The following CPEB1 variants were observed in gnomAD, a reference collection of about 807,000 sequenced individuals.
The protein encoded by CPEB1 is cytoplasmic polyadenylation element-binding protein 1.
A neutral mutation model predicts 65.8 loss-of-function variants in CPEB1; 7 were observed. The observed-to-expected ratio is 0.11, with a 90% confidence interval of 0.06 to 0.20. The LOEUF is 0.20. Ranked by LOEUF, CPEB1 falls within the 10% of genes least tolerant of loss-of-function variation. CPEB1 has a pLI of 1.00. For missense variants in CPEB1, 551 were observed against 712.2 expected (o/e 0.77, Z 2.58); for synonymous variants, 262 against 260.0 (o/e 1.01, Z -0.08).
At chr15:82,592,905 G>C (rs976373835) in intron 3 of CPEB1, among the ~76,000 whole-genome samples, 6 of 151,488 alleles carry the variant, frequency 4.0e-5, no homozygotes, top group Non-Finnish European at 7.4e-5. Flanking sequence ...GCTGAGGCAG[G>C]AGAATCACCT....
chr15:82,572,767 C>T (rs2040213796), intron 3 of CPEB1, among the ~76,000 whole-genome samples: 1 of 152,232 alleles, frequency 6.6e-6, no homozygotes, highest in Non-Finnish European at 1.5e-5. Flanking sequence ...GTGAGGGCCA[C>T]TGATGCCTCT....
At chr15:82,636,487 TC>T (rs912874182) in intron 1 of CPEB1, among the ~76,000 whole-genome samples, 4 of 152,242 alleles carry the variant, frequency 2.6e-5, no homozygotes, top group African/African-American at 9.6e-5. Flanking sequence ...TGTCCAATGT[TC>T]TTTTTGCTCT....
chr15:82,566,886 A>G (rs957251842), intron 4 of CPEB1, among the ~76,000 whole-genome samples: 1 of 152,052 alleles, frequency 6.6e-6, no homozygotes, highest in Non-Finnish European at 1.5e-5. Flanking sequence ...TAGAAGCTAC[A>G]GGGCCCAAGA....
chr15:82,549,869 T>C (rs960362708), intron 9 of CPEB1, among the ~76,000 whole-genome samples: 5 of 152,220 alleles, frequency 3.3e-5, no homozygotes, highest in African/African-American at 1.2e-4. Flanking sequence ...TGAGTCCATG[T>C]GTCCAGAATG....
At chr15:82,552,714 C>A in intron 8 of CPEB1, 98 bp from the exon 9 acceptor site, 1 of 1,323,486 alleles carries the variant, frequency 7.6e-7, no homozygotes, top group Non-Finnish European at 1.1e-6. Context: ...GAAAGAAGGT[C>A]TTGTGTATAA....
intron 9 of CPEB1, 47 bp downstream of exon 9, chr15:82,552,433 C>T: frequency 6.7e-7 from 1 of 1,494,052 alleles, no homozygotes. Flanking sequence ...TCCAGTGCCT[C>T]AATATTCCAA....
At chr15:82,604,806 G>A (rs929031261) in intron 3 of CPEB1, among the ~76,000 whole-genome samples, 1 of 152,108 alleles carries the variant, frequency 6.6e-6, no homozygotes, top group African/African-American at 2.4e-5. Context: ...CATATTAGAA[G>A]TCCCAAAGCA....
rs566717124 is a variant in CPEB1, at chr15:82,606,197, G to A, written c.271+20996C>T. Among the ~76,000 whole-genome samples, 75 of 152,296 alleles carry A rather than the reference G, an allele frequency of 4.9e-4. 1 individual carries two copies. The highest frequency in any genetic ancestry group is 1.7e-3 in the African/African-American group (70 of 41,544). On this transcript the variant is annotated intron_variant, in intron 3 of 12. Coordinates refer to ENST00000684509, the MANE Select transcript of CPEB1 (RefSeq NM_001365242.1). The stretch of plus-strand genomic sequence containing the variant: ...AAGATGCTAGTTCCAGCTGGGCATG[G>A]TGGCTCACGCCTGTAATCCCAGCAC...
chr15:82,581,704 A>T (rs2041301551), intron 3 of CPEB1, among the ~76,000 whole-genome samples: 1 of 152,176 alleles, frequency 6.6e-6, no homozygotes, highest in Non-Finnish European at 1.5e-5. Context: ...CAAATGTTTG[A>T]AGATTGCTGT....
chr15:82,636,357 A>G (rs1208747077), intron 1 of CPEB1, among the ~76,000 whole-genome samples: 1 of 152,170 alleles, frequency 6.6e-6, no homozygotes, highest in Non-Finnish European at 1.5e-5. Flanking sequence ...AGTCTATCTT[A>G]CCCTGCATCT....
intron 1 of CPEB1, among the ~76,000 whole-genome samples, chr15:82,635,346 G>GT (rs1037160396): frequency 1.3e-5 from 2 of 152,218 alleles, no homozygotes; most frequent in Admixed American, 1.3e-4. Context: ...ATGGAAGAAT[G>GT]TAAGTCTTCT....
chr15:82,571,766 T>C, intron 3 of CPEB1: 2 of 1,312,730 alleles, frequency 1.5e-6, no homozygotes, highest in Non-Finnish European at 1.9e-6. Context: ...CATTACAGAC[T>C]GGGCCAGCAT....
chr15:82,590,297 T>C (rs1368578691), intron 3 of CPEB1, among the ~76,000 whole-genome samples: 2 of 151,744 alleles, frequency 1.3e-5, no homozygotes, highest in Non-Finnish European at 2.9e-5. Context: ...AAGTTAACCT[T>C]CTGTTACCCA....
chr15:82,611,324 A>AAAT (rs2044133969), intron 3 of CPEB1, among the ~76,000 whole-genome samples: 2 of 152,214 alleles, frequency 1.3e-5, no homozygotes, highest in Non-Finnish European at 2.9e-5. Context: ...TAACAGTTTG[A>AAAT]CTTACAATAG....
At chr15:82,564,495 G>A (rs370535014) in intron 4 of CPEB1, among the ~76,000 whole-genome samples, 1 of 151,984 alleles carries the variant, frequency 6.6e-6, no homozygotes, top group Non-Finnish European at 1.5e-5. Flanking sequence ...GGGTTTCACC[G>A]TGTTAGCCAG....
chr15:82,611,063 T>C (rs2044112550), intron 3 of CPEB1, among the ~76,000 whole-genome samples: 1 of 149,726 alleles, frequency 6.7e-6, no homozygotes, highest in African/African-American at 2.5e-5. Context: ...TCATATTTAA[T>C]GGTGAATGAA....
At chr15:82,630,389 G>T (rs778981411) in intron 1 of CPEB1, among the ~76,000 whole-genome samples, 4 of 152,114 alleles carry the variant, frequency 2.6e-5, no homozygotes, top group Non-Finnish European at 5.9e-5. Context: ...AGAACTTTTG[G>T]CAGGCAGGAG....
At chr15:82,617,644 G>A (rs993695889) in intron 3 of CPEB1, among the ~76,000 whole-genome samples, 4 of 151,686 alleles carry the variant, frequency 2.6e-5, no homozygotes, top group African/African-American at 9.7e-5. Flanking sequence ...GCAAAATAGG[G>A]GAAATTAGGT....
At chr15:82,587,349 T>C (rs1427170976) in intron 3 of CPEB1, among the ~76,000 whole-genome samples, 1 of 152,236 alleles carries the variant, frequency 6.6e-6, no homozygotes, top group Non-Finnish European at 1.5e-5. Context: ...TAAATACTCA[T>C]AAATGCTAAG....
Sources: allele counts gnomAD v4.1 joint callset (sites outside exome capture counted in the v4.1 genomes callset), GRCh38; gene constraint gnomAD v4.1.1; transcripts MANE v1.5; gene names NCBI Gene and HGNC (gene_info 2026-07-23, HGNC 2026-07-21).